Variants in EYS observed in about 807,000 individuals in gnomAD.
EYS encodes the protein EGF-like photoreceptor maintenance factor, also known as protein eyes shut homolog.
EYS carries 250 observed loss-of-function variants against 282.1 expected under a neutral mutation model. That is an observed-to-expected ratio of 0.89 (90% CI 0.80 to 0.98). The LOEUF is 0.98. Ranked by LOEUF, EYS falls within the 50% of genes least tolerant of loss-of-function variation. EYS has a pLI of 0.00. For synonymous variants in EYS, 1,355 were observed against 1,282.9 expected (o/e 1.06, Z -1.20); for missense variants, 4,016 against 3,709.0 (o/e 1.08, Z -2.15).
At chr6:64,249,630 C>A (rs1353903000) in intron 30 of EYS, among the ~76,000 whole-genome samples, 1 of 151,998 alleles carries the variant, frequency 6.6e-6, no homozygotes, top group African/African-American at 2.4e-5. Flanking sequence ...TTTTCCAGGG[C>A]TAGAATTGGA....
intron 39 of EYS, among the ~76,000 whole-genome samples, chr6:63,780,549 T>C (rs1038956790): frequency 6.6e-6 from 1 of 152,234 alleles, no homozygotes; most frequent in African/African-American, 2.4e-5. Flanking sequence ...ATGTCTTCTT[T>C]TGAGAAGTGT....
intron 22 of EYS, among the ~76,000 whole-genome samples, chr6:64,650,267 G>A (rs777382801): frequency 6.6e-5 from 10 of 151,784 alleles, no homozygotes; most frequent in Non-Finnish European, 1.3e-4. Context: ...AAATCTTTAA[G>A]TAGCTACAAA....
chr6:63,961,547 G>A (rs1399061014), intron 35 of EYS, among the ~76,000 whole-genome samples: 4 of 151,874 alleles, frequency 2.6e-5, no homozygotes, highest in East Asian at 1.9e-4. Flanking sequence ...GACTCAGCCC[G>A]CCTGCACCCA....
chr6:64,942,494 A>G (rs926334206), intron 15 of EYS, among the ~76,000 whole-genome samples: 2 of 145,332 alleles, frequency 1.4e-5, no homozygotes, highest in Non-Finnish European at 3.0e-5. Flanking sequence ...AGAAAAAACG[A>G]CAGAAGATCC....
intron 35 of EYS, among the ~76,000 whole-genome samples, chr6:63,886,418 G>A (rs866309103): frequency 1.8e-4 from 28 of 152,030 alleles, no homozygotes; most frequent in African/African-American, 6.5e-4. Flanking sequence ...CTAAACAAAA[G>A]GAAAAAGTTG....
intron 12 of EYS, among the ~76,000 whole-genome samples, chr6:65,177,273 T>C (rs760496330): frequency 6.6e-6 from 1 of 151,902 alleles, no homozygotes; most frequent in African/African-American, 2.4e-5. Flanking sequence ...AAGACTTTGA[T>C]GTAAATTATC....
chr6:65,148,623 G>A (rs114817320), intron 12 of EYS, among the ~76,000 whole-genome samples: 221 of 152,136 alleles, frequency 1.5e-3, no homozygotes, highest in African/African-American at 4.9e-3. Context: ...GGAGGACAGC[G>A]GACCTCTTCT....
chr6:65,266,804 C>G (rs651382), intron 12 of EYS, among the ~76,000 whole-genome samples: 3,945 of 150,974 alleles, frequency 0.026, 168 homozygotes, highest in African/African-American at 0.091. Flanking sequence ...TTAAGCTACT[C>G]TACAATATCT....
At chr6:65,031,932 C>T (rs962945519) in intron 13 of EYS, among the ~76,000 whole-genome samples, 7 of 151,674 alleles carry the variant, frequency 4.6e-5, no homozygotes, top group Non-Finnish European at 8.8e-5. Context: ...AAACAAAACC[C>T]AAAATTGGTT....
At chr6:65,219,068 G>A (rs841545) in intron 12 of EYS, among the ~76,000 whole-genome samples, 3,270 of 152,160 alleles carry the variant, frequency 0.021, 110 homozygotes, top group African/African-American at 0.075. Flanking sequence ...TTACATAGAA[G>A]ATATATCTTC....
intron 35 of EYS, among the ~76,000 whole-genome samples, chr6:63,960,722 A>G (rs1321518808): frequency 2.0e-5 from 3 of 152,246 alleles, no homozygotes; most frequent in African/African-American, 4.8e-5. Flanking sequence ...GGACTTGCCG[A>G]AGGCTTAAAT....
chr6:64,579,109 T>A (rs889502478), intron 26 of EYS, among the ~76,000 whole-genome samples: 1 of 152,106 alleles, frequency 6.6e-6, no homozygotes, highest in South Asian at 2.1e-4. Flanking sequence ...GTCCTACCCA[T>A]GGGCGAAAGA....
intron 2 of EYS, among the ~76,000 whole-genome samples, chr6:65,558,482 A>G (rs1169747453): frequency 6.6e-6 from 1 of 152,160 alleles, no homozygotes; most frequent in African/African-American, 2.4e-5. Context: ...GAGCACAAGG[A>G]TATCTGGGTC....
intron 34 of EYS, 93 bp from the exon 35 acceptor site, chr6:63,984,696 T>C: frequency 9.8e-7 from 1 of 1,015,306 alleles, no homozygotes; most frequent in South Asian, 1.4e-5. Flanking sequence ...TGGATGTGTT[T>C]TAATGTGTTT....
chr6:63,870,451 A>C (rs1772773828), intron 35 of EYS, among the ~76,000 whole-genome samples: 1 of 152,226 alleles, frequency 6.6e-6, no homozygotes, highest in South Asian at 2.1e-4. Context: ...AGTAGATAAC[A>C]ACTCTCTAGA....
chr6:65,123,734 A>G (rs1323252820), intron 12 of EYS, among the ~76,000 whole-genome samples: 4 of 149,380 alleles, frequency 2.7e-5, no homozygotes, highest in African/African-American at 1.0e-4. Context: ...ATCTTTCACC[A>G]GCTGACTTAT....
chr6:64,511,960 G>A (rs1777420713), intron 26 of EYS, among the ~76,000 whole-genome samples: 1 of 152,030 alleles, frequency 6.6e-6, no homozygotes, highest in South Asian at 2.1e-4. Context: ...GGCAGTATCT[G>A]AAGAGACCAT....
chr6:63,873,235 G>T (rs1259008895), intron 35 of EYS, among the ~76,000 whole-genome samples: 1 of 149,166 alleles, frequency 6.7e-6, no homozygotes, highest in East Asian at 2.0e-4. Flanking sequence ...TCCCACCTAT[G>T]AGTGAGAACA....
At chr6:63,795,016 T>G (rs1300085161) in intron 37 of EYS, among the ~76,000 whole-genome samples, 2 of 152,152 alleles carry the variant, frequency 1.3e-5, no homozygotes, top group Non-Finnish European at 2.9e-5. Flanking sequence ...TCTACATGAA[T>G]AGTAGTTAAG....
Sources: gnomAD v4.1 joint callset for allele counts (sites outside exome capture counted in the v4.1 genomes callset) on GRCh38, gnomAD v4.1.1 for gene constraint, MANE v1.5 for transcripts, NCBI Gene and HGNC (gene_info 2026-07-23, HGNC 2026-07-21) for gene names.